Variants in SBF1 observed in about 807,000 individuals in gnomAD.
SBF1 encodes the protein myotubularin-related protein 5.
In SBF1, 65 loss-of-function variants were observed where a neutral mutation model predicts 215.8. The observed-to-expected ratio is 0.30, with a 90% CI of 0.25 to 0.37. The LOEUF is 0.37. SBF1 is among the 10% of genes least tolerant of loss of function. The pLI is 1.00. For synonymous variants in SBF1, 1,410 were observed against 1,122.8 expected (o/e 1.26, Z -5.11); for missense variants, 2,634 against 2,667.8 (o/e 0.99, Z 0.28).
Position 50,460,126 on chromosome 22 carries a change from G to A in SBF1, c.3317C>T (p.Pro1106Leu), listed in dbSNP as rs368716467. 43 of 1,612,658 alleles carry A rather than the reference G, an allele frequency of 2.7e-5. No homozygotes were observed. In the Middle Eastern group the frequency reaches 1.2e-3, roughly 43 times the overall value. The change falls in exon 26 of 41, where the codon CCG (proline) becomes CTG (leucine). Residue 1106 changes from proline to leucine, a missense_variant. Coordinates refer to ENST00000380817, the MANE Select transcript of SBF1 (RefSeq NM_002972.4). ...GTCGGAGGGCTTCAGGGCTGAGGACGGGGTCAGCGTGCTGGGCTCCAGCTC... is the reference window on the plus strand; with the variant it reads ...GTCGGAGGGCTTCAGGGCTGAGGACAGGGTCAGCGTGCTGGGCTCCAGCTC... ...SEELEPSTLT[P>L]SSALKPSDRM...
chr22:50,461,190 T>A lies in SBF1; in HGVS notation c.2936A>T (p.Asp979Val). The A allele has an allele frequency of 6.2e-7, 1 of 1,609,712 alleles. No homozygotes were observed. Among genetic ancestry groups the A allele is most frequent in the South Asian group, 1.1e-5 (1 of 90,926 alleles). ...TGTGCAGGAGCGCAGCTGGAGCCCG[T>A]CCTGCAGGAGCTGGTCCACAGGGGT... ...VQTPVDQLLQ[D>V]GLQLRSCTFQ... Residue 979 changes from aspartate to valine, a missense_variant, in exon 23 of 41, where the codon GAC becomes GTC. Asp to Val is a radical substitution (Grantham distance 152). Transcript: ENST00000380817.
intron 31 of SBF1, chr22:50,455,863 C>A: frequency 1.7e-6 from 1 of 576,646 alleles, no homozygotes; most frequent in Non-Finnish European, 3.1e-6. Context: ...CCTTCAAGCC[C>A]TCCAGTGTTT....
At chr22:50,465,414 A>AC (rs1341900439) in intron 10 of SBF1, 86 bp from the exon 11 acceptor site, 4 of 1,126,912 alleles carry the variant, frequency 3.5e-6, no homozygotes, top group Non-Finnish European at 5.0e-6. Context: ...ACCCCAACCC[A>AC]CCCCAAGCTG....
At chr22:50,453,731 G>C (rs547535125) in intron 36 of SBF1, among the ~76,000 whole-genome samples, 1 of 152,244 alleles carries the variant, frequency 6.6e-6, no homozygotes, top group East Asian at 1.9e-4. Flanking sequence ...AGCTTGCAGT[G>C]AGCGGAGATC....
chr22:50,470,005 A>C (rs1420768042), intron 1 of SBF1, among the ~76,000 whole-genome samples: 1 of 151,104 alleles, frequency 6.6e-6, no homozygotes, highest in Non-Finnish European at 1.5e-5. Flanking sequence ...TCCCCCTCCC[A>C]CCGACACCCT....
At position 50,466,683 on chromosome 22, in the gene SBF1, G is replaced by T. The variant is rs776834823; in HGVS notation, c.577C>A (p.Arg193=). ...GCCAGTGGAGTCTGGATGACCTGCC[G>T]GTCACCAGCCCCCAAAGAGATCGTC... ...QRTISLGAGD[R]QVIQTPLADS... is the part of the protein sequence containing the mutation. The change falls in exon 6 of 41, where the codon CGG becomes AGG. Residue 193 remains arginine, a synonymous_variant. Coordinates refer to ENST00000380817, the MANE Select transcript of SBF1 (RefSeq NM_002972.4). The T allele has an allele frequency of 3.2e-6, 5 of 1,545,550 alleles. No homozygotes were observed. Among genetic ancestry groups the T allele is most frequent in the Non-Finnish European group, 3.5e-6 (4 of 1,143,226 alleles).
intron 5 of SBF1, 37 bp from the exon 6 acceptor site, chr22:50,466,747 C>G: frequency 7.1e-7 from 1 of 1,407,684 alleles, no homozygotes; most frequent in South Asian, 1.4e-5. Context: ...AGTAGTTTGG[C>G]CAGAGCCAGC....
chr22:50,461,563 C>T lies in SBF1; in HGVS notation c.2799G>A (p.Thr933=), dbSNP rs774121119. The change falls in exon 22 of 41, where the codon ACG becomes ACA. Residue 933 remains threonine (T), a synonymous_variant. Transcript: ENST00000380817. ...LPAEGAVFLT[T]YRVIFTGMPT... is the part of the protein sequence containing the mutation. ...GCATCCCCGTGAAGATGACCCGGTA[C>T]GTGGTGAGGAAGACGGCGCCCTCAG... is the stretch of plus-strand genomic sequence containing the variant. The T allele has an allele frequency of 4.3e-6, 7 of 1,609,962 alleles. No individual in the cohort carries two copies. The highest frequency in any genetic ancestry group is 3.3e-5 in the Admixed American group (2 of 59,958).
intron 1 of SBF1, among the ~76,000 whole-genome samples, chr22:50,473,563 T>A (rs2068068065): frequency 6.6e-6 from 1 of 151,792 alleles, no homozygotes; most frequent in South Asian, 2.1e-4. Flanking sequence ...GTGTGCTGAG[T>A]AAGAGGGCAC....
rs901776143 is a variant in SBF1, at chr22:50,446,602, A to T, written c.*540T>A. ...CGTGGAGGGAATCAAGCAAGTCCCC[A>T]GTGAAGCCTCCTGCTCGATCCGCCC... On this transcript the variant is annotated 3_prime_UTR_variant, in exon 41 of 41. Coordinates refer to ENST00000380817, the MANE Select transcript of SBF1 (RefSeq NM_002972.4). 6.1e-5 allele frequency: 21 copies of T among 342,114 alleles called. No individual in the cohort carries two copies. Among genetic ancestry groups the T allele is most frequent in the African/African-American group, 4.1e-4 (19 of 46,486 alleles). 21.2% of individuals were successfully genotyped at this position (342,114 alleles called of 1,614,324 possible).
chr22:50,463,750 C>T (rs933511296), intron 15 of SBF1, among the ~76,000 whole-genome samples: 1 of 152,246 alleles, frequency 6.6e-6, no homozygotes, highest in African/African-American at 2.4e-5. Flanking sequence ...CTCAGTGACT[C>T]GCCTGGCACA....
Position 50,474,906 on chromosome 22 carries a change from C to T in SBF1, c.-66G>A. ...CCGCGGCTCGGGGACTCGAGGACGGCGCGCTCATGGCCCGGCCCCGGCCCT... is the reference window on the plus strand; with the variant it reads ...CCGCGGCTCGGGGACTCGAGGACGGTGCGCTCATGGCCCGGCCCCGGCCCT... On this transcript the variant is annotated 5_prime_UTR_variant, in exon 1 of 41. Transcript: ENST00000380817. 2 of 1,166,540 alleles carry T rather than the reference C, an allele frequency of 1.7e-6. No individual in the cohort carries two copies. Among genetic ancestry groups the T allele is most frequent in the Admixed American group, 4.2e-5 (1 of 24,056 alleles). 72.3% of individuals were successfully genotyped at this position (1,166,540 alleles called of 1,614,324 possible).
chr22:50,474,739 A>G, intron 1 of SBF1, 47 bp downstream of exon 1: 2 of 1,405,764 alleles, frequency 1.4e-6, no homozygotes, highest in South Asian at 2.6e-5. Context: ...GGCCCTCAGC[A>G]CTCGACCCTC....
intron 36 of SBF1, among the ~76,000 whole-genome samples, chr22:50,449,945 C>CA (rs1311788255): frequency 5.3e-5 from 8 of 152,284 alleles, no homozygotes; most frequent in Admixed American, 3.3e-4. Flanking sequence ...CATGGGACCA[C>CA]ATAAGATGGG....
intron 1 of SBF1, among the ~76,000 whole-genome samples, chr22:50,471,518 T>C (rs1304842311): frequency 6.6e-6 from 1 of 152,182 alleles, no homozygotes; most frequent in Non-Finnish European, 1.5e-5. Context: ...AGACCAGCCC[T>C]GGCCGGCTCT....
At chr22:50,449,737 C>CTT (rs781422042) in intron 36 of SBF1, among the ~76,000 whole-genome samples, 1 of 152,166 alleles carries the variant, frequency 6.6e-6, no homozygotes, top group Non-Finnish European at 1.5e-5. Flanking sequence ...GACATGCTCT[C>CTT]TTTGAAAGAG....
intron 36 of SBF1, among the ~76,000 whole-genome samples, chr22:50,451,798 T>C (rs560634115): frequency 2.1e-3 from 310 of 149,918 alleles, no homozygotes; most frequent in African/African-American, 7.1e-3. Flanking sequence ...GTAATATCTT[T>C]TTTTTTTTTT....
In SBF1 at chr22:50,461,669, T is replaced by C. The variant is rs778983208; in HGVS notation, c.2693A>G (p.Asp898Gly). ...RLLPGEECVL[D>G]GLRVYLLPDG... is the part of the protein sequence containing the mutation. ...CGGCAGCAGGTAGACGCGCAGGCCG[T>C]CCAGCACACACTCCTCACCCGGCAG... Residue 898 changes from aspartate (D) to glycine (G), a missense_variant, in exon 22 of 41, where the codon GAC (aspartate) becomes GGC (glycine). Asp to Gly is a moderately conservative substitution (Grantham distance 94). Transcript: ENST00000380817. The C allele has an allele frequency of 6.2e-7, 1 of 1,610,482 alleles. No homozygotes were observed. Among genetic ancestry groups the C allele is most frequent in the Non-Finnish European group, 8.5e-7 (1 of 1,179,610 alleles).
At position 50,460,046 on chromosome 22, in the gene SBF1, G is replaced by A. The variant is rs753172401; in HGVS notation, c.3397C>T (p.Leu1133Phe). ...CTGCTGCTCAGGGTGCCCAGACCGAGGCGCTGGTAGTCGCGACAGCAAGCC... is the reference window on the plus strand; with the variant it reads ...CTGCTGCTCAGGGTGCCCAGACCGAAGCGCTGGTAGTCGCGACAGCAAGCC... ...ERACCRDYQR[L>F]GLGTLSSSLS... The change falls in exon 26 of 41, where the codon CTC (leucine) becomes TTC (phenylalanine). Residue 1133 changes from leucine (L) to phenylalanine (F), a missense_variant. Transcript: ENST00000380817. The A allele has an allele frequency of 2.5e-6, 4 of 1,613,890 alleles. No individual in the cohort carries two copies. Among genetic ancestry groups the A allele is most frequent in the Non-Finnish European group, 3.4e-6 (4 of 1,179,986 alleles).
Sources: gnomAD v4.1 joint callset for allele counts (sites outside exome capture counted in the v4.1 genomes callset) on GRCh38, gnomAD v4.1.1 for gene constraint, MANE v1.5 for transcripts, NCBI Gene and HGNC (gene_info 2026-07-23, HGNC 2026-07-21) for gene names.